The following ARMC3 variants were observed in gnomAD, a reference collection of about 807,000 sequenced individuals.
The protein encoded by ARMC3 is armadillo repeat-containing protein 3.
ARMC3 carries 74 observed loss-of-function variants against 90.3 expected under a neutral mutation model. That is an observed-to-expected ratio of 0.82 (90% confidence interval 0.68 to 0.99). The LOEUF (loss-of-function observed/expected upper bound fraction) is 0.99. Ranked by LOEUF, ARMC3 falls within the 50% of genes least tolerant of loss-of-function variation. ARMC3 has a pLI of 0.00. For synonymous variants in ARMC3, 334 were observed against 361.8 expected (o/e 0.92, Z 0.87); for missense variants, 958 against 1,042.8 (o/e 0.92, Z 1.12).
At chr10:22,934,553 T>G (rs1283129198) in intron 2 of ARMC3, among the ~76,000 whole-genome samples, 1 of 152,210 alleles carries the variant, frequency 6.6e-6, no homozygotes, top group Admixed American at 6.5e-5. Context: ...CTAGGCATGA[T>G]TTAGTATAAG....
chr10:22,929,284 A>G (rs200001452), intron 1 of ARMC3, among the ~76,000 whole-genome samples: 79 of 148,914 alleles, frequency 5.3e-4, no homozygotes, highest in African/African-American at 1.9e-3. Context: ...GAGAGAGAGA[A>G]AGAGAGAGAG....
intron 16 of ARMC3, among the ~76,000 whole-genome samples, chr10:23,009,909 T>C (rs1259088025): frequency 2.0e-5 from 3 of 152,196 alleles, no homozygotes; most frequent in Non-Finnish European, 4.4e-5. Context: ...CACGGTGGCA[T>C]TGGAGGCTGT....
intron 11 of ARMC3, among the ~76,000 whole-genome samples, chr10:22,999,989 A>G (rs1837208613): frequency 6.6e-6 from 1 of 152,140 alleles, no homozygotes; most frequent in East Asian, 1.9e-4. Context: ...AGGGAAGCCC[A>G]CCTAGTTCCT....
chr10:22,968,238 TGTA>T (rs1365674737), intron 7 of ARMC3, 65 bp from the exon 8 acceptor site: 4 of 1,426,778 alleles, frequency 2.8e-6, no homozygotes, highest in Non-Finnish European at 3.9e-6. Flanking sequence ...TATTTCCTCT[TGTA>T]GTCAAATTTG....
chr10:23,030,584 T>C lies in ARMC3; in HGVS notation c.2046-12T>C. 1 of 1,605,964 alleles carries C rather than the reference T, an allele frequency of 6.2e-7. No individual in the cohort carries two copies. The highest frequency in any genetic ancestry group is 2.3e-5 in the East Asian group (1 of 44,312). On this transcript the variant is annotated splice_polypyrimidine_tract_variant and intron_variant, in intron 16 of 18. Transcript: ENST00000298032. ...AAGATGTGATTTTGATTGCCCTTGTTTACTTTCAAAGGAAAAGCAAAGGAA... is the reference window on the plus strand; with the variant it reads ...AAGATGTGATTTTGATTGCCCTTGTCTACTTTCAAAGGAAAAGCAAAGGAA...
At chr10:23,004,936 G>T (rs1195193070) in intron 13 of ARMC3, among the ~76,000 whole-genome samples, 1 of 152,200 alleles carries the variant, frequency 6.6e-6, no homozygotes, top group Admixed American at 6.5e-5. Flanking sequence ...CAAGAGGGGG[G>T]CCGGGCGTGG....
chr10:22,938,566 G>A (rs1206443185), intron 2 of ARMC3, among the ~76,000 whole-genome samples: 2 of 152,196 alleles, frequency 1.3e-5, no homozygotes, highest in African/African-American at 4.8e-5. Context: ...GGAAGTCACC[G>A]TGAAGAAGAT....
In ARMC3 at chr10:23,014,206, G is replaced by A. The variant is rs561372945; in HGVS notation, c.2045+5275G>A. On this transcript the variant is annotated intron_variant, in intron 16 of 18. Coordinates refer to ENST00000298032, the MANE Select transcript of ARMC3 (RefSeq NM_173081.5). Reference sequence around the variant, plus strand: ...TGGATTCAGACACAACTGGGCCTTGGTCTTCTGAATTGTAAATGAAAATGA... The same window carrying A: ...TGGATTCAGACACAACTGGGCCTTGATCTTCTGAATTGTAAATGAAAATGA... 4 of 1,542,716 alleles carry A rather than the reference G, an allele frequency of 2.6e-6. No homozygotes were observed. In the South Asian group the frequency reaches 3.6e-5, roughly 14 times the overall value.
intron 8 of ARMC3, among the ~76,000 whole-genome samples, chr10:22,972,418 AT>A (rs1431553168): frequency 6.6e-6 from 1 of 152,142 alleles, no homozygotes; most frequent in Non-Finnish European, 1.5e-5. Context: ...TTTTCCTAGC[AT>A]CATTTGTTGA....
At chr10:23,004,181 A>C (rs1296506576) in intron 13 of ARMC3, among the ~76,000 whole-genome samples, 2 of 151,628 alleles carry the variant, frequency 1.3e-5, no homozygotes, top group East Asian at 1.9e-4. Context: ...TCTGTATTAC[A>C]TGAATGTTGA....
chr10:23,001,771 T>G, intron 11 of ARMC3, 148 bp from the exon 12 acceptor site: 1 of 1,054,016 alleles, frequency 9.5e-7, no homozygotes, highest in Middle Eastern at 3.3e-4. Flanking sequence ...TTTTCACCCC[T>G]GAATTTAATA....
chr10:23,005,080 G>A (rs1006047101), intron 13 of ARMC3, among the ~76,000 whole-genome samples: 1 of 151,938 alleles, frequency 6.6e-6, no homozygotes, highest in East Asian at 1.9e-4. Context: ...GGGCGTGGTG[G>A]CGGGTGCCTG....
chr10:23,033,982 T>C (rs1053092192), intron 18 of ARMC3, among the ~76,000 whole-genome samples: 4 of 152,218 alleles, frequency 2.6e-5, no homozygotes, highest in Non-Finnish European at 5.9e-5. Flanking sequence ...TAACAGAAGC[T>C]GGGAAAATGT....
intron 16 of ARMC3, chr10:23,014,208 C>G (rs1470109454): frequency 6.5e-7 from 1 of 1,540,288 alleles, no homozygotes; most frequent in African/African-American, 1.4e-5. Flanking sequence ...GGGCCTTGGT[C>G]TTCTGAATTG....
At chr10:22,971,441 GTT>G (rs766355258) in intron 8 of ARMC3, among the ~76,000 whole-genome samples, 30 of 128,512 alleles carry the variant, frequency 2.3e-4, no homozygotes, top group African/African-American at 6.7e-4. Flanking sequence ...TATATTTTTA[GTT>G]TTTTTTTTTT....
At chr10:22,930,659 C>T (rs1356195770) in intron 1 of ARMC3, among the ~76,000 whole-genome samples, 1 of 152,116 alleles carries the variant, frequency 6.6e-6, no homozygotes, top group Non-Finnish European at 1.5e-5. Flanking sequence ...AAATTCTGGT[C>T]AGTGTCTCTA....
intron 18 of ARMC3, among the ~76,000 whole-genome samples, chr10:23,033,501 A>T (rs1839003842): frequency 6.6e-6 from 1 of 152,194 alleles, no homozygotes; most frequent in African/African-American, 2.4e-5. Context: ...CAGAGAAAAC[A>T]TCTTATGCAA....
intron 6 of ARMC3, 67 bp from the exon 7 acceptor site, chr10:22,961,815 CAG>C (rs1835206231): frequency 1.5e-6 from 2 of 1,303,640 alleles, no homozygotes; most frequent in African/African-American, 1.5e-5. Context: ...TGTTAGAAAA[CAG>C]AATTTCTCCA....
intron 3 of ARMC3, 86 bp downstream of exon 3, chr10:22,946,347 T>A: frequency 1.2e-6 from 1 of 835,830 alleles, no homozygotes. Context: ...TCCTAGTCTT[T>A]AACTTACTTG....
Sources: allele counts gnomAD v4.1 joint callset (sites outside exome capture counted in the v4.1 genomes callset), GRCh38; gene constraint gnomAD v4.1.1; transcripts MANE v1.5; gene names NCBI Gene and HGNC (gene_info 2026-07-23, HGNC 2026-07-21).